Variants in CCDC175 observed in about 807,000 individuals in gnomAD.
CCDC175 encodes the protein coiled-coil domain-containing protein 175.
CCDC175 carries 100 observed loss-of-function variants against 114.6 expected under a neutral mutation model. That is an observed-to-expected ratio of 0.87 (90% CI 0.74 to 1.03). The LOEUF (loss-of-function observed/expected upper bound fraction) is 1.03. Among genes scored for constraint, CCDC175 ranks in the 50% least tolerant of loss-of-function variants. CCDC175 has a pLI of 0.00. For missense variants in CCDC175, 880 were observed against 917.8 expected (o/e 0.96, Z 0.53); for synonymous variants, 306 against 308.7 (o/e 0.99, Z 0.09).
rs1892549653 is a variant in CCDC175, at chr14:59,508,399, T to TACACACAAAC, written c.2305+2246_2305+2247insGTTTGTGTGT. On this transcript the variant is annotated intron_variant, in intron 19 of 19. Transcript: ENST00000537690. ...ACATGGCATAACCTCGTCTCCAAAATACACACACACACACACACACACACA... is the reference window on the plus strand; with the variant it reads ...ACATGGCATAACCTCGTCTCCAAAATACACACAAACACACACACACACACACACACACACA... Among the ~76,000 whole-genome samples the TACACACAAAC allele has an allele frequency of 6.2e-5, 6 of 97,350 alleles. No individual in the cohort carries two copies. The Admixed American group carries it at 7.2e-4, about 12-fold the overall frequency. 63.9% of individuals were successfully genotyped at this position (97,350 alleles called of 152,430 possible). A position where few individuals can be genotyped will look rare whatever the true frequency, so the allele number is the denominator to read the frequency against.
chr14:59,530,402 C>CAGAG (rs201889651), intron 14 of CCDC175, among the ~76,000 whole-genome samples: 1 of 120,104 alleles, frequency 8.3e-6, no homozygotes, highest in Non-Finnish European at 1.6e-5. Flanking sequence ...AAGAAAGAGA[C>CAGAG]AGAGAGAGAG....
intron 7 of CCDC175, among the ~76,000 whole-genome samples, chr14:59,553,964 G>T (rs1391762503): frequency 1.1e-4 from 16 of 152,264 alleles, no homozygotes; most frequent in Non-Finnish European, 2.4e-4. Context: ...GATTCATAAA[G>T]CAAGTCCTTA....
intron 7 of CCDC175, among the ~76,000 whole-genome samples, chr14:59,553,609 C>T (rs1464830664): frequency 2.0e-5 from 3 of 152,050 alleles, no homozygotes; most frequent in East Asian, 1.9e-4. Flanking sequence ...AATTCACACA[C>T]AACAATATTA....
intron 17 of CCDC175, among the ~76,000 whole-genome samples, chr14:59,518,788 T>C (rs1275797893): frequency 6.6e-6 from 1 of 152,082 alleles, no homozygotes; most frequent in African/African-American, 2.4e-5. Flanking sequence ...GAACTAGAAA[T>C]ACCATTTGAC....
At chr14:59,505,593 A>C (rs911021361) in intron 19 of CCDC175, among the ~76,000 whole-genome samples, 5 of 152,332 alleles carry the variant, frequency 3.3e-5, no homozygotes, top group African/African-American at 1.2e-4. Flanking sequence ...CCTCACGGGC[A>C]AATAATTTCC....
Position 59,531,807 on chromosome 14 carries a change from C to A in CCDC175, c.1727G>T (p.Arg576Ile). The A allele has an allele frequency of 6.7e-7, 1 of 1,499,422 alleles. No homozygotes were observed. The allele number at this position is 1,499,422 out of a possible 1,614,324, so 92.9% of individuals were successfully genotyped here. ...QVAEQEYKEK[R>I]RKLEELSNII... Reference sequence around the variant, plus strand: ...ATTACTGAGCTCTTCTAACTTTCTTCTTTTCTCTTTATACTCTTGTTCTGC... The same window carrying A: ...ATTACTGAGCTCTTCTAACTTTCTTATTTTCTCTTTATACTCTTGTTCTGC... The change falls in exon 14 of 20, where the codon AGA becomes ATA. Residue 576 changes from arginine (R) to isoleucine (I), a missense_variant. Coordinates refer to ENST00000537690, the MANE Select transcript of CCDC175 (RefSeq NM_001164399.2).
At chr14:59,509,817 C>T (rs1400574933) in intron 19 of CCDC175, among the ~76,000 whole-genome samples, 1 of 152,174 alleles carries the variant, frequency 6.6e-6, no homozygotes, top group Non-Finnish European at 1.5e-5. Context: ...GCTCTTTTTA[C>T]TTTTATCCCA....
In CCDC175 at chr14:59,551,212, T is replaced by C. The variant is rs12883522; in HGVS notation, c.1035+143A>G. On this transcript the variant is annotated intron_variant, in intron 8 of 19. Transcript: ENST00000537690. ...TAAAGTACTTTGGGAGGAGATAAAA[T>C]TTTTTAAATTACTACAAACAACCAT... 67 of 489,012 alleles carry C rather than the reference T, an allele frequency of 1.4e-4. No individual in the cohort carries two copies. In the Admixed American group the frequency reaches 1.5e-3, roughly 11 times the overall value. The allele number at this position is 489,012 out of a possible 1,614,324, so 30.3% of individuals were successfully genotyped here. A position where few individuals can be genotyped will look rare whatever the true frequency, so the allele number is the denominator to read the frequency against.
chr14:59,547,287 T>C (rs538938563), intron 8 of CCDC175, among the ~76,000 whole-genome samples: 21 of 152,312 alleles, frequency 1.4e-4, no homozygotes, highest in African/African-American at 4.1e-4. Context: ...GCCTCAATAC[T>C]GTGAAAATGT....
At chr14:59,507,474 G>A (rs1451463068) in intron 19 of CCDC175, among the ~76,000 whole-genome samples, 1 of 152,212 alleles carries the variant, frequency 6.6e-6, no homozygotes, top group Non-Finnish European at 1.5e-5. Context: ...TGAAGCTAGT[G>A]CAGTGATCCT....
chr14:59,538,488 A>G (rs558294285), intron 12 of CCDC175, among the ~76,000 whole-genome samples: 2 of 152,364 alleles, frequency 1.3e-5, no homozygotes, highest in East Asian at 3.9e-4. Context: ...TTCTGGTTAC[A>G]TGCTTCAAAA....
chr14:59,535,145 G>A (rs574402910), intron 13 of CCDC175, among the ~76,000 whole-genome samples: 43 of 152,272 alleles, frequency 2.8e-4, no homozygotes, highest in African/African-American at 9.9e-4. Flanking sequence ...GCTGATTATC[G>A]AGGGGAAATT....
intron 17 of CCDC175, among the ~76,000 whole-genome samples, chr14:59,512,512 T>A (rs771951974): frequency 2.0e-4 from 30 of 152,338 alleles, no homozygotes; most frequent in Admixed American, 3.3e-4. Context: ...TCCTTCATAC[T>A]TTGCCCTCTG....
In CCDC175 at chr14:59,538,842, T is replaced by C. The variant is rs1566613545; in HGVS notation, c.1356-2A>G. On this transcript the variant is annotated splice_acceptor_variant, in intron 11 of 19. Coordinates refer to ENST00000537690, the MANE Select transcript of CCDC175 (RefSeq NM_001164399.2). LOFTEE classifies it high-confidence loss of function. Reference sequence around the variant, plus strand: ...GCCATTTTCCACTGAGTTATAACACTAGAGATTAGAGCAAAAAGAATTGCC... The same window carrying C: ...GCCATTTTCCACTGAGTTATAACACCAGAGATTAGAGCAAAAAGAATTGCC... 1 of 1,525,172 alleles carries C rather than the reference T, an allele frequency of 6.6e-7. No homozygotes were observed. Among genetic ancestry groups the C allele is most frequent in the Admixed American group, 2.1e-5 (1 of 47,376 alleles). 94.5% of individuals were successfully genotyped at this position (1,525,172 alleles called of 1,614,324 possible). A position where few individuals can be genotyped will look rare whatever the true frequency, so the allele number is the denominator to read the frequency against.
intron 17 of CCDC175, among the ~76,000 whole-genome samples, chr14:59,514,688 G>A (rs973705931): frequency 6.6e-6 from 1 of 152,210 alleles, no homozygotes; most frequent in Non-Finnish European, 1.5e-5. Flanking sequence ...ATCTACGTCT[G>A]ATTGGTGTAC....
chr14:59,522,668 T>G (rs571411774), intron 16 of CCDC175, among the ~76,000 whole-genome samples: 8 of 152,324 alleles, frequency 5.3e-5, no homozygotes, highest in African/African-American at 1.4e-4. Flanking sequence ...TCTTCTCACT[T>G]AACACACTGT....
chr14:59,552,517 A>G (rs1895584778), intron 7 of CCDC175, among the ~76,000 whole-genome samples: 1 of 152,216 alleles, frequency 6.6e-6, no homozygotes, highest in Non-Finnish European at 1.5e-5. Context: ...AAAGATGGGG[A>G]AAAAACAGAG....
Position 59,557,226 on chromosome 14 carries a change from T to A in CCDC175, c.953+3893A>T, listed in dbSNP as rs1356110588. Among the ~76,000 whole-genome samples, 7 of 152,008 alleles carry A rather than the reference T, an allele frequency of 4.6e-5. No homozygotes were observed. In the East Asian group the frequency reaches 1.2e-3, roughly 25 times the overall value. ...GACTTGGAACCAACCCGGATGTCCA[T>A]CAATGATAGACTGGATTAAGAAAAT... On this transcript the variant is annotated intron_variant, in intron 7 of 19. Transcript: ENST00000537690.
chr14:59,531,952 T>C, intron 13 of CCDC175, 42 bp from the exon 14 acceptor site: 1 of 942,040 alleles, frequency 1.1e-6, no homozygotes, highest in South Asian at 1.7e-5. Flanking sequence ...TAATTTTGGA[T>C]AATTCACACA....
Sources: gnomAD v4.1 joint callset for allele counts (sites outside exome capture counted in the v4.1 genomes callset) on GRCh38, gnomAD v4.1.1 for gene constraint, MANE v1.5 for transcripts, NCBI Gene and HGNC (gene_info 2026-07-23, HGNC 2026-07-21) for gene names.